COX15: variants seen among roughly 807,000 people sequenced by gnomAD.
The protein encoded by COX15 is heme A synthase COX15.
Under a neutral mutation model 51.9 loss-of-function variants are expected in COX15, and 51 were observed. The observed-to-expected ratio is 0.98, with a 90% CI of 0.78 to 1.24. The LOEUF is 1.24. Ranked by LOEUF, COX15 falls within the 50% of genes most tolerant of loss-of-function variation. The pLI, the probability that COX15 is intolerant of heterozygous loss-of-function variation, is 0.00. For missense variants in COX15, 420 were observed against 501.1 expected, an observed-to-expected ratio of 0.84 and a Z score of 1.55; for synonymous variants, 188 against 190.5, an observed-to-expected ratio of 0.99 and a Z score of 0.11.
In COX15 at chr10:99,713,533, G is replaced by A; in HGVS notation, c.*1054C>T. 6.4e-7 allele frequency: 1 copy of A among 1,571,354 alleles called. No homozygotes were observed. The highest frequency in any genetic ancestry group is 8.6e-7 in the Non-Finnish European group (1 of 1,157,628). ...ACATTAATTCAGCAGTCAACAATTT[G>A]TTTATCTGGGTAGATGTCCATGCAC... On this transcript the variant is annotated 3_prime_UTR_variant, in exon 9 of 9. Coordinates refer to ENST00000016171, the MANE Select transcript of COX15 (RefSeq NM_078470.6).
In COX15 at chr10:99,721,057, G is replaced by A. The variant is rs367938241; in HGVS notation, c.762C>T (p.Thr254=). ...LLLPPHKLPE[T]HQLLQLRRFA... is the part of the protein sequence containing the mutation. ...ATCGTCTCAACTGTAGGAGTTGGTGGGTTTCAGGCAACTAAATATGAAAAA... is the reference window on the plus strand; with the variant it reads ...ATCGTCTCAACTGTAGGAGTTGGTGAGTTTCAGGCAACTAAATATGAAAAA... Residue 254 remains threonine (T), a synonymous_variant, in exon 6 of 9, where the codon ACC becomes ACT. Transcript: ENST00000016171. The A allele has an allele frequency of 7.4e-6, 12 of 1,612,818 alleles. No homozygotes were observed. The highest frequency in any genetic ancestry group is 5.3e-5 in the African/African-American group (4 of 74,822).
At chr10:99,700,272 A>G in the COX15 span, among the ~76,000 whole-genome samples, 1 of 152,044 alleles carries the variant, frequency 6.6e-6, no homozygotes, top group Non-Finnish European at 1.5e-5. Flanking sequence ...CTTTGACTCA[A>G]ACGTTATCTT....
chr10:99,729,798 C>T, intron 1 of COX15, 64 bp from the exon 2 acceptor site: 1 of 1,538,264 alleles, frequency 6.5e-7, no homozygotes, highest in Middle Eastern at 1.8e-4. Context: ...CCACACTCAA[C>T]CCCATTCTGA....
In COX15 at chr10:99,732,094, G is replaced by GT. The variant is rs760414337; in HGVS notation, c.-46dup. 2 of 1,593,694 alleles carry GT rather than the reference G, an allele frequency of 1.3e-6. No individual in the cohort carries two copies. The highest frequency in any genetic ancestry group is 1.7e-6 in the Non-Finnish European group (2 of 1,169,776). The stretch of plus-strand genomic sequence containing the variant: ...CACCTCTTCCACAACCCAGGGCTCT[G>GT]TGGTCTCCCTCCTCCGCCAAGGAAA... On this transcript the variant is annotated 5_prime_UTR_variant, in exon 1 of 9. Transcript: ENST00000016171.
rs772560657 is a variant in COX15, at chr10:99,724,136, A to G, written c.583-13T>C. ...ATCCCAACAGACCCTAGAACCCCCA[A>G]GAGATGAAGCAAACAAAACAAGGTT... On this transcript the variant is annotated splice_polypyrimidine_tract_variant and intron_variant, in intron 4 of 8. Transcript: ENST00000016171. 2.5e-6 allele frequency: 4 copies of G among 1,613,882 alleles called. No individual in the cohort carries two copies. The African/African-American group carries it at 5.3e-5, about 22-fold the overall frequency.
At chr10:99,714,788 G>A in intron 8 of COX15, 70 bp from the exon 9 acceptor site, 1 of 1,603,824 alleles carries the variant, frequency 6.2e-7, no homozygotes, top group Non-Finnish European at 8.5e-7. Flanking sequence ...GGCCAGGCGT[G>A]GATAACCACA....
chr10:99,727,355 A>C, intron 3 of COX15, 86 bp downstream of exon 3: 1 of 1,575,662 alleles, frequency 6.3e-7, no homozygotes, highest in East Asian at 2.2e-5. Context: ...GAAGTTCATG[A>C]AATAATCTAA....
In COX15 at chr10:99,732,019, C is replaced by T. The variant is rs766109479; in HGVS notation, c.31G>A (p.Ala11Thr). The T allele has an allele frequency of 4.3e-6, 7 of 1,613,100 alleles. No homozygotes were observed. In the East Asian group the frequency reaches 1.3e-4, roughly 31 times the overall value. MQRLLFPPLR[A>T]LKGRQYLPLL... ...GGCAGATACTGCCTCCCCTTCAAGG[C>T]CCTCAACGGCGGAAAGAGCAATCGC... The change falls in exon 1 of 9, where the codon GCC becomes ACC. Residue 11 changes from alanine (A) to threonine (T), a missense_variant. Ala to Thr is a moderately conservative substitution (Grantham distance 58). Coordinates refer to ENST00000016171, the MANE Select transcript of COX15 (RefSeq NM_078470.6).
intron 4 of COX15, among the ~76,000 whole-genome samples, chr10:99,725,339 A>G (rs1211347598): frequency 6.6e-6 from 1 of 152,226 alleles, no homozygotes; most frequent in Non-Finnish European, 1.5e-5. Flanking sequence ...GAAGACGTAC[A>G]CAGTTGATTC....
the COX15 span, among the ~76,000 whole-genome samples, chr10:99,701,868 C>T: frequency 6.6e-6 from 1 of 151,548 alleles, no homozygotes; most frequent in Non-Finnish European, 1.5e-5. Context: ...GCTAACATGG[C>T]GAAACCCTGT....
intron 4 of COX15, among the ~76,000 whole-genome samples, chr10:99,725,108 A>C (rs2036907924): frequency 6.6e-6 from 1 of 152,254 alleles, no homozygotes; most frequent in Non-Finnish European, 1.5e-5. Flanking sequence ...CTCTGCTTTA[A>C]CTGGCTTTTT....
the COX15 span, among the ~76,000 whole-genome samples, chr10:99,696,794 T>C: frequency 6.6e-6 from 1 of 152,236 alleles, no homozygotes; most frequent in African/African-American, 2.4e-5. Context: ...GCAGAGTTCT[T>C]TTCCATCATT....
Position 99,727,542 on chromosome 10 carries a change from C to T in COX15, c.294G>A (p.Ser98=). 6.2e-7 allele frequency: 1 copy of T among 1,613,732 alleles called. No individual in the cohort carries two copies. The highest frequency in any genetic ancestry group is 8.5e-7 in the Non-Finnish European group (1 of 1,180,022). Reference sequence around the variant, plus strand: ...CCTTTATTAAATGCCAATCTACCATCGAGAGGCCAGACTCTGTCAACCTTA... The same window carrying T: ...CCTTTATTAAATGCCAATCTACCATTGAGAGGCCAGACTCTGTCAACCTTA... ...GVTRLTESGL[S]MVDWHLIKEM... Residue 98 remains serine (S), a synonymous_variant, in exon 3 of 9, where the codon TCG becomes TCA. Transcript: ENST00000016171.
chr10:99,731,837 T>C, intron 1 of COX15, 123 bp downstream of exon 1: 1 of 1,249,672 alleles, frequency 8.0e-7, no homozygotes, highest in African/African-American at 1.5e-5. Flanking sequence ...GATCTGAACC[T>C]ATGCGTTGTG....
downstream of COX15, chr10:99,709,919 T>A (rs1436668789): frequency 1.0e-6 from 1 of 985,300 alleles, no homozygotes; most frequent in African/African-American, 1.7e-5. Flanking sequence ...ATCCTTTTAT[T>A]AGTAAAACTG....
chr10:99,709,296 A>T (rs2036312764), downstream of COX15: 1 of 985,246 alleles, frequency 1.0e-6, no homozygotes, highest in Non-Finnish European at 1.2e-6. Flanking sequence ...ATTCAAAACT[A>T]GTATCTAATT....
At chr10:99,704,759 C>T in the COX15 span, 1 of 1,317,708 alleles carries the variant, frequency 7.6e-7, no homozygotes, top group Non-Finnish European at 1.1e-6. Flanking sequence ...CTTATATAGC[C>T]TCAGATGCTG....
At chr10:99,724,204 GAC>G in intron 4 of COX15, 81 bp from the exon 5 acceptor site, 1 of 1,527,268 alleles carries the variant, frequency 6.5e-7, no homozygotes, top group Non-Finnish European at 9.0e-7. Context: ...GTTTTTTTGA[GAC>G]AGAGTCTCAC....
chr10:99,706,094 G>T (rs2036245922), downstream of COX15: 1 of 152,056 alleles, frequency 6.6e-6, no homozygotes, highest in Non-Finnish European at 1.5e-5. Context: ...TAGATTAATA[G>T]GGGAAAAAGT....
Sources: gnomAD v4.1 joint callset for allele counts (sites outside exome capture counted in the v4.1 genomes callset) on GRCh38, gnomAD v4.1.1 for gene constraint, MANE v1.5 for transcripts, NCBI Gene and HGNC (gene_info 2026-07-23, HGNC 2026-07-21) for gene names.